Variants in CD34 observed in about 807,000 individuals in gnomAD.
The protein encoded by CD34 is CD34 molecule, also known as hematopoietic progenitor cell antigen CD34.
In CD34, 34 loss-of-function variants were observed where a neutral mutation model predicts 40.1. The observed-to-expected ratio is 0.85, with a 90% CI of 0.65 to 1.13. The LOEUF is 1.13. CD34 is among the 50% of genes most tolerant of loss of function. The pLI is 0.00. For synonymous variants in CD34, 209 were observed against 190.0 expected, an observed-to-expected ratio of 1.10 and a Z score of -0.82; for missense variants, 426 against 466.9, an observed-to-expected ratio of 0.91 and a Z score of 0.81.
At position 207,887,758 on chromosome 1, in the gene CD34, C is replaced by T. The variant is rs974993232; in HGVS notation, c.1138G>A (p.Val380Met). Residue 380 changes from valine to methionine, a missense_variant, in exon 8 of 8, where the codon GTG (valine) becomes ATG (methionine). Physicochemically the swap from Val to Met is conservative, Grantham distance 21 (BLOSUM62 1). Transcript: ENST00000310833. ...RNGHSARQHV[V>M]ADTEL The stretch of plus-strand genomic sequence containing the variant: ...CCGAGTCACAATTCGGTATCAGCCA[C>T]CACGTGTTGTCTTGCTGAATGGCCG... 17 of 1,614,034 alleles carry T rather than the reference C, an allele frequency of 1.1e-5. No homozygotes were observed. In the African/African-American group the frequency reaches 2.0e-4, roughly 19 times the overall value.
At chr1:207,892,566 A>G (rs1226127704) in intron 4 of CD34, among the ~76,000 whole-genome samples, 1 of 151,940 alleles carries the variant, frequency 6.6e-6, no homozygotes, top group Non-Finnish European at 1.5e-5. Context: ...GGCCTGGGCA[A>G]CAGAGCAAGA....
chr1:207,889,754 A>AC, intron 4 of CD34, 133 bp from the exon 5 acceptor site: 7 of 1,529,536 alleles, frequency 4.6e-6, no homozygotes, highest in Non-Finnish European at 6.1e-6. Flanking sequence ...AAATTCCAAC[A>AC]GAAAAAAAAA....
intron 1 of CD34, among the ~76,000 whole-genome samples, chr1:207,905,606 C>T (rs564339784): frequency 6.6e-6 from 1 of 151,924 alleles, no homozygotes; most frequent in Non-Finnish European, 1.5e-5. Flanking sequence ...AAATAACTTT[C>T]TTTAAGATGC....
chr1:207,896,262 T>C (rs968538995), intron 4 of CD34, among the ~76,000 whole-genome samples: 1 of 152,188 alleles, frequency 6.6e-6, no homozygotes, highest in African/African-American at 2.4e-5. Flanking sequence ...TCATCCTTCC[T>C]CCAGAGCCAT....
At chr1:207,906,024 T>C (rs1292103082) in intron 1 of CD34, among the ~76,000 whole-genome samples, 1 of 152,212 alleles carries the variant, frequency 6.6e-6, no homozygotes, top group Non-Finnish European at 1.5e-5. Context: ...GCCAGTGATG[T>C]GCAAAGGATC....
At chr1:207,890,017 T>C in intron 4 of CD34, 1 of 1,393,300 alleles carries the variant, frequency 7.2e-7, no homozygotes, top group Non-Finnish European at 9.2e-7. Flanking sequence ...TCCCCAATGA[T>C]GGAAGAAAAG....
At chr1:207,897,365 T>A (rs1285281694) in intron 4 of CD34, 128 bp downstream of exon 4, 7 of 660,282 alleles carry the variant, frequency 1.1e-5, no homozygotes, top group Non-Finnish European at 1.9e-5. Flanking sequence ...AAAGGCAGGC[T>A]GACCAAGCTA....
chr1:207,889,189 A>C lies in CD34; in HGVS notation c.779T>G (p.Met260Arg), dbSNP rs749705632. The change falls in exon 6 of 8, where the codon ATG becomes AGG. Residue 260 changes from methionine to arginine, a missense_variant. Transcript: ENST00000310833. ...TTTCAGGTCAGATTGGTGCTTTTTC[A>C]TAAGTTGGAGTTTGCTGGAAATTTC... ...RTEISSKLQL[M>R]KKHQSDLKKL... 3 of 1,610,634 alleles carry C rather than the reference A, an allele frequency of 1.9e-6. No homozygotes were observed. The highest frequency in any genetic ancestry group is 2.5e-6 in the Non-Finnish European group (3 of 1,176,830).
At chr1:207,891,991 C>T (rs1662047368) in intron 4 of CD34, among the ~76,000 whole-genome samples, 1 of 152,104 alleles carries the variant, frequency 6.6e-6, no homozygotes, top group African/African-American at 2.4e-5. Flanking sequence ...TGGGGAAGAG[C>T]ATTTGGAACT....
At chr1:207,892,382 A>C (rs1001880903) in intron 4 of CD34, among the ~76,000 whole-genome samples, 1 of 152,222 alleles carries the variant, frequency 6.6e-6, no homozygotes, top group Admixed American at 6.5e-5. Flanking sequence ...GTTCGAGACC[A>C]GCCTGGCCAA....
Position 207,883,930 on chromosome 1 carries a change from C to T in CD34, c.*3808G>A, listed in dbSNP as rs976156405. On this transcript the variant is annotated 3_prime_UTR_variant, in exon 8 of 8. Transcript: ENST00000310833. ...CAACCTCTATTCTCTACTCAGCAGC[C>T]AGCATGATCCTTTTAAAACATAAAG... is the stretch of plus-strand genomic sequence containing the variant. 1.4e-4 allele frequency: 21 copies of T among 152,140 alleles called. No homozygotes were observed. Among genetic ancestry groups the T allele is most frequent in the African/African-American group, 5.1e-4 (21 of 41,424 alleles). The allele number at this position is 152,140 out of a possible 1,614,324, so 9.4% of individuals were successfully genotyped here.
chr1:207,900,937 TC>T, intron 1 of CD34, among the ~76,000 whole-genome samples: 1 of 152,248 alleles, frequency 6.6e-6, no homozygotes, highest in South Asian at 2.1e-4. Flanking sequence ...ATCTCATTTT[TC>T]TCTGAAGATC....
At position 207,887,307 on chromosome 1, in the gene CD34, G is replaced by A; in HGVS notation, c.*431C>T. ...GTTACTTTGGTTTCCTCAAAGTAGAGAAAGAAAATACAGGGAAGAAACGGT... is the reference window on the plus strand; with the variant it reads ...GTTACTTTGGTTTCCTCAAAGTAGAAAAAGAAAATACAGGGAAGAAACGGT... On this transcript the variant is annotated 3_prime_UTR_variant, in exon 8 of 8. Coordinates refer to ENST00000310833, the MANE Select transcript of CD34 (RefSeq NM_001025109.2). The A allele has an allele frequency of 1.2e-5, 2 of 170,970 alleles. No individual in the cohort carries two copies. Among genetic ancestry groups the A allele is most frequent in the South Asian group, 1.6e-4 (1 of 6,312 alleles). The allele number at this position is 170,970 out of a possible 1,614,324, so 10.6% of individuals were successfully genotyped here. A position where few individuals can be genotyped will look rare whatever the true frequency, so the allele number is the denominator to read the frequency against.
At chr1:207,893,986 G>A (rs1477735037) in intron 4 of CD34, among the ~76,000 whole-genome samples, 1 of 152,194 alleles carries the variant, frequency 6.6e-6, no homozygotes, top group African/African-American at 2.4e-5. Context: ...ATGTAAAACG[G>A]TCTGGTGGTT....
At chr1:207,892,176 A>C (rs1347893606) in intron 4 of CD34, among the ~76,000 whole-genome samples, 2 of 152,228 alleles carry the variant, frequency 1.3e-5, no homozygotes, top group Non-Finnish European at 2.9e-5. Flanking sequence ...ACTGGGCATC[A>C]ATCCTTACTC....
At chr1:207,910,804 C>A (rs1240853678) in intron 1 of CD34, among the ~76,000 whole-genome samples, 198 bp downstream of exon 1, 1 of 152,162 alleles carries the variant, frequency 6.6e-6, no homozygotes, top group Middle Eastern at 3.2e-3. Flanking sequence ...GGGGTGATGG[C>A]CTTCCCTTCC....
At chr1:207,895,086 C>T (rs1287131256) in intron 4 of CD34, among the ~76,000 whole-genome samples, 1 of 152,108 alleles carries the variant, frequency 6.6e-6, no homozygotes, top group Non-Finnish European at 1.5e-5. Flanking sequence ...CTGAGGCTCC[C>T]AACATTAGAA....
In CD34 at chr1:207,886,653, C is replaced by G. The variant is rs1661901713; in HGVS notation, c.*1085G>C. 1 of 152,636 alleles carries G rather than the reference C, an allele frequency of 6.6e-6. No individual in the cohort carries two copies. Among genetic ancestry groups the G allele is most frequent in the South Asian group, 2.1e-4 (1 of 4,836 alleles). 9.5% of individuals were successfully genotyped at this position (152,636 alleles called of 1,614,324 possible). A position where few individuals can be genotyped will look rare whatever the true frequency, so the allele number is the denominator to read the frequency against. On this transcript the variant is annotated 3_prime_UTR_variant, in exon 8 of 8. Coordinates refer to ENST00000310833, the MANE Select transcript of CD34 (RefSeq NM_001025109.2). ...TTCTATTTCCAACCGTCATTGAAAC[C>G]AGGATCCCTGCTCAACCCCTCTGGA...
rs28362496 is a variant in CD34, at chr1:207,888,125, G to A, written c.973-202C>T. ...GTGGTCAGGGTTCCAGCTCCTAGAG[G>A]AGAAAGGACATAGGAGAGGCACCAC... On this transcript the variant is annotated intron_variant, in intron 7 of 7. Coordinates refer to ENST00000310833, the MANE Select transcript of CD34 (RefSeq NM_001025109.2). 2.4e-4 allele frequency: 387 copies of A among 1,613,904 alleles called. 2 individuals carry two copies. In the East Asian group the frequency reaches 8.4e-3, roughly 35 times the overall value.
Sources: gnomAD v4.1 joint callset for allele counts (sites outside exome capture counted in the v4.1 genomes callset) on GRCh38, gnomAD v4.1.1 for gene constraint, MANE v1.5 for transcripts, NCBI Gene and HGNC (gene_info 2026-07-23, HGNC 2026-07-21) for gene names.